HCN1: variants seen among roughly 807,000 people sequenced by gnomAD.
HCN1 encodes hyperpolarization activated cyclic nucleotide gated potassium channel 1, also known as potassium/sodium hyperpolarization-activated cyclic nucleotide-gated channel 1.
A neutral mutation model predicts 78.9 loss-of-function variants in HCN1; 13 were observed. The ratio of observed to expected loss-of-function variants is 0.16; its 90% CI spans 0.11 to 0.26. HCN1 has a LOEUF of 0.26. HCN1 is among the 10% of genes least tolerant of loss of function. HCN1 has a pLI of 1.00. For missense variants in HCN1, 810 were observed against 1,154.3 expected (o/e 0.70, Z 4.32); for synonymous variants, 552 against 455.5 (o/e 1.21, Z -2.70).
At chr5:45,328,768 G>A (rs775170803) in intron 5 of HCN1, among the ~76,000 whole-genome samples, 1 of 151,574 alleles carries the variant, frequency 6.6e-6, no homozygotes, top group Non-Finnish European at 1.5e-5. Flanking sequence ...CTGTGGAAAG[G>A]GAAACCACAG....
chr5:45,478,894 C>T (rs551344038), intron 2 of HCN1, among the ~76,000 whole-genome samples: 12 of 152,100 alleles, frequency 7.9e-5, no homozygotes, highest in African/African-American at 1.2e-4. Flanking sequence ...GAGGCCGAGG[C>T]GGGCAGATCA....
At chr5:45,287,175 A>T (rs1002721217) in intron 6 of HCN1, among the ~76,000 whole-genome samples, 2 of 151,884 alleles carry the variant, frequency 1.3e-5, no homozygotes, top group African/African-American at 4.8e-5. Context: ...GAAATGTTAT[A>T]GAGTAACATT....
intron 5 of HCN1, among the ~76,000 whole-genome samples, chr5:45,349,160 T>A (rs1326817312): frequency 1.3e-5 from 2 of 152,002 alleles, no homozygotes; most frequent in Admixed American, 6.6e-5. Flanking sequence ...GAACAGAAAT[T>A]ATAACAAACT....
At chr5:45,618,359 A>G (rs959306874) in intron 2 of HCN1, among the ~76,000 whole-genome samples, 3 of 152,068 alleles carry the variant, frequency 2.0e-5, no homozygotes, top group African/African-American at 4.8e-5. Context: ...AAATGGAAAT[A>G]GCTTATACCT....
At chr5:45,602,463 A>T (rs900311003) in intron 2 of HCN1, among the ~76,000 whole-genome samples, 6 of 152,120 alleles carry the variant, frequency 3.9e-5, no homozygotes, top group African/African-American at 1.4e-4. Flanking sequence ...ACTGGCCGAC[A>T]TCTTTATCTT....
intron 2 of HCN1, among the ~76,000 whole-genome samples, chr5:45,516,732 T>A (rs1201878390): frequency 6.6e-6 from 1 of 151,950 alleles, no homozygotes; most frequent in East Asian, 1.9e-4. Flanking sequence ...TCTGAATATT[T>A]TTTATTGTCT....
intron 2 of HCN1, among the ~76,000 whole-genome samples, chr5:45,578,477 A>G (rs576109555): frequency 6.6e-6 from 1 of 152,138 alleles, no homozygotes; most frequent in South Asian, 2.1e-4. Flanking sequence ...GTTCAAAACT[A>G]TATGCCAGTG....
At chr5:45,659,092 C>T (rs947497752) in intron 1 of HCN1, among the ~76,000 whole-genome samples, 7 of 152,246 alleles carry the variant, frequency 4.6e-5, no homozygotes, top group Admixed American at 6.5e-5. Context: ...TCTCCCAGCA[C>T]GCAGCTAGAG....
intron 1 of HCN1, among the ~76,000 whole-genome samples, chr5:45,653,055 T>C (rs1208049691): frequency 4.6e-5 from 7 of 152,004 alleles, no homozygotes; most frequent in East Asian, 1.9e-4. Flanking sequence ...CTCAAAATCC[T>C]CTTAAGTATG....
At chr5:45,267,325 C>T in intron 6 of HCN1, 72 bp from the exon 7 acceptor site, 2 of 1,360,266 alleles carry the variant, frequency 1.5e-6, no homozygotes, top group Non-Finnish European at 2.1e-6. Context: ...AGGCTTCCCA[C>T]AACTTAAAAC....
chr5:45,552,285 T>C (rs1561198484), intron 2 of HCN1, among the ~76,000 whole-genome samples: 2 of 151,944 alleles, frequency 1.3e-5, no homozygotes. Context: ...TTTCTCAAAC[T>C]GTGAATTTAT....
At chr5:45,446,952 A>G (rs200434513) in intron 3 of HCN1, among the ~76,000 whole-genome samples, 2 of 152,172 alleles carry the variant, frequency 1.3e-5, no homozygotes. Flanking sequence ...TGTAAAGACC[A>G]TCGAGACTAG....
intron 2 of HCN1, among the ~76,000 whole-genome samples, chr5:45,596,869 T>C (rs773687897): frequency 6.6e-6 from 1 of 152,136 alleles, no homozygotes; most frequent in Non-Finnish European, 1.5e-5. Flanking sequence ...TAGAAGAATA[T>C]CTTAAGTGAA....
Position 45,353,244 on chromosome 5 carries a change from A to AAG in HCN1, c.1232_1233insCT (p.Lys412LeufsTer47). 6.3e-7 allele frequency: 1 copy of AAG among 1,596,276 alleles called. No homozygotes were observed. Among genetic ancestry groups the AAG allele is most frequent in the East Asian group, 2.2e-5 (1 of 44,634 alleles). ...ATGACATGTATTGTTCCACTTGCTT[A>AAG]TACTGTAAGGAAGGGAAAATAAAAT... On this transcript the variant is annotated frameshift_variant and splice_region_variant, in exon 5 of 8. Transcript: ENST00000303230. LOFTEE classifies it high-confidence loss of function.
chr5:45,358,115 T>A (rs545274316), intron 4 of HCN1, among the ~76,000 whole-genome samples: 81 of 152,200 alleles, frequency 5.3e-4, no homozygotes, highest in African/African-American at 1.9e-3. Context: ...CTTTCTTCTT[T>A]ATTAATTACC....
Position 45,258,548 on chromosome 5 carries a change from A to G in HCN1, c.*3373T>C, listed in dbSNP as rs892216748. The G allele has an allele frequency of 8.5e-5, 13 of 152,066 alleles. No individual in the cohort carries two copies. Among genetic ancestry groups the G allele is most frequent in the Non-Finnish European group, 1.6e-4 (11 of 67,980 alleles). 9.4% of individuals were successfully genotyped at this position (152,066 alleles called of 1,614,324 possible). A position where few individuals can be genotyped will look rare whatever the true frequency, so the allele number is the denominator to read the frequency against. ...TCCTTGTTTTCAGGAATGCTTCACT[A>G]CTTATTCTCATTATGATAAACTCTA... is the stretch of plus-strand genomic sequence containing the variant. On this transcript the variant is annotated 3_prime_UTR_variant, in exon 8 of 8. Coordinates refer to ENST00000303230, the MANE Select transcript of HCN1 (RefSeq NM_021072.4).
chr5:45,681,180 C>T (rs2112088768), intron 1 of HCN1, among the ~76,000 whole-genome samples: 1 of 152,250 alleles, frequency 6.6e-6, no homozygotes, highest in South Asian at 2.1e-4. Flanking sequence ...TTGTCAGACA[C>T]CCTTGCTTAC....
At chr5:45,514,981 A>G (rs1215421688) in intron 2 of HCN1, among the ~76,000 whole-genome samples, 2 of 151,900 alleles carry the variant, frequency 1.3e-5, no homozygotes, top group East Asian at 3.9e-4. Context: ...AGATGTTTTT[A>G]TTAATTTTTA....
intron 2 of HCN1, among the ~76,000 whole-genome samples, chr5:45,496,745 A>C (rs1008746600): frequency 2.6e-5 from 4 of 152,086 alleles, no homozygotes; most frequent in African/African-American, 9.7e-5. Flanking sequence ...GCCTTCTGCT[A>C]GCTTTTGAAT....
Sources: gnomAD v4.1 joint callset for allele counts (sites outside exome capture counted in the v4.1 genomes callset) on GRCh38, gnomAD v4.1.1 for gene constraint, MANE v1.5 for transcripts, NCBI Gene and HGNC (gene_info 2026-07-23, HGNC 2026-07-21) for gene names.